Variants in CLDN12 observed in about 807,000 individuals in gnomAD.
CLDN12 encodes claudin 12.
In CLDN12, 9 loss-of-function variants were observed where a neutral mutation model predicts 15.5. The observed-to-expected ratio is 0.58, with a 90% CI of 0.35 to 1.02. The LOEUF (loss-of-function observed/expected upper bound fraction) is 1.02, where lower values mean the gene tolerates loss of function less well. Among genes scored for constraint, CLDN12 ranks in the 50% least tolerant of loss-of-function variants. CLDN12 has a pLI of 0.02. For missense variants in CLDN12, 233 were observed against 297.3 expected (o/e 0.78, Z 1.59); for synonymous variants, 140 against 121.6 (o/e 1.15, Z -1.00).
intron 2 of CLDN12, among the ~76,000 whole-genome samples, chr7:90,407,979 G>A (rs1280376913): frequency 6.6e-6 from 1 of 152,164 alleles, no homozygotes; most frequent in African/African-American, 2.4e-5. Flanking sequence ...ATGGGGAGGA[G>A]TTGAAACTTT....
In CLDN12 at chr7:90,407,733, G is replaced by A. The variant is rs777888639; in HGVS notation, c.-77+2125G>A. On this transcript the variant is annotated intron_variant, in intron 2 of 3. Transcript: ENST00000496677. ...TAACCAGGGACAGGGGGAGGTTTAGGACAAGCCTCCCTGGACACTAGAAGA... is the reference window on the plus strand; with the variant it reads ...TAACCAGGGACAGGGGGAGGTTTAGAACAAGCCTCCCTGGACACTAGAAGA... Among the ~76,000 whole-genome samples, 15 of 152,270 alleles carry A rather than the reference G, an allele frequency of 9.9e-5. No individual in the cohort carries two copies. The Middle Eastern group carries it at 0.017, about 173-fold the overall frequency.
intron 2 of CLDN12, among the ~76,000 whole-genome samples, chr7:90,407,559 T>C (rs11980923): frequency 0.024 from 3,598 of 152,318 alleles, 134 homozygotes; most frequent in African/African-American, 0.081. Context: ...GTGCCTTTTA[T>C]GTGCCAGTAT....
intron 2 of CLDN12, among the ~76,000 whole-genome samples, chr7:90,406,513 A>T (rs1451449623): frequency 6.6e-6 from 1 of 152,244 alleles, no homozygotes. Flanking sequence ...AGGGTCCAGA[A>T]GAAAAGTATG....
intron 2 of CLDN12, among the ~76,000 whole-genome samples, chr7:90,407,381 G>A (rs556978295): frequency 6.6e-6 from 1 of 152,264 alleles, no homozygotes; most frequent in South Asian, 2.1e-4. Flanking sequence ...GGCCAAAAAG[G>A]AGAAAGCAGG....
At chr7:90,411,389 A>G (rs1357067454) in intron 2 of CLDN12, among the ~76,000 whole-genome samples, 7 of 152,196 alleles carry the variant, frequency 4.6e-5, no homozygotes, top group Admixed American at 2.6e-4. Flanking sequence ...TGAATATCAG[A>G]CCCTTGAGGA....
chr7:90,413,251 T>A lies in CLDN12; in HGVS notation c.575T>A (p.Leu192Gln). ...GGCCTGTTTATGACTTCCCTTATACTATTTATTTGGTATTGTACATGCAAA... is the reference window on the plus strand; with the variant it reads ...GGCCTGTTTATGACTTCCCTTATACAATTTATTTGGTATTGTACATGCAAA... ...AGGLFMTSLI[L>Q]FIWYCTCKSL... Residue 192 changes from leucine to glutamine, a missense_variant, in exon 4 of 4, where the codon CTA (leucine) becomes CAA (glutamine). Coordinates refer to ENST00000496677, the MANE Select transcript of CLDN12 (RefSeq NM_001185072.3). 2.5e-6 allele frequency: 4 copies of A among 1,614,204 alleles called. No individual in the cohort carries two copies. The highest frequency in any genetic ancestry group is 3.4e-6 in the Non-Finnish European group (4 of 1,180,016).
rs1797021861 is a variant in CLDN12 at position 90,413,824 on chromosome 7, T to C, written c.*413T>C. The C allele has an allele frequency of 1.0e-6, 1 of 1,001,254 alleles. No individual in the cohort carries two copies. Among genetic ancestry groups the C allele is most frequent in the African/African-American group, 1.7e-5 (1 of 57,348 alleles). 62.0% of individuals were successfully genotyped at this position (1,001,254 alleles called of 1,614,324 possible). A position where few individuals can be genotyped will look rare whatever the true frequency, so the allele number is the denominator to read the frequency against. ...TGCAAAGAAAAGGCAGTTTCAAATATAAGAAATTTATTTCAGGTAAGGGTA... is the reference window on the plus strand; with the variant it reads ...TGCAAAGAAAAGGCAGTTTCAAATACAAGAAATTTATTTCAGGTAAGGGTA... On this transcript the variant is annotated 3_prime_UTR_variant, in exon 4 of 4. Transcript: ENST00000496677.
rs1179948472 is a variant in CLDN12 at position 90,414,809 on chromosome 7, A to C, written c.*1398A>C. ...CTTCTGAAAGTATGATGATGTATTA[A>C]GGATGGAGGAGTTATTAAAAATGTC... On this transcript the variant is annotated 3_prime_UTR_variant, in exon 4 of 4. Transcript: ENST00000496677. The C allele has an allele frequency of 1.8e-5, 3 of 167,084 alleles. No homozygotes were observed. The highest frequency in any genetic ancestry group is 7.2e-5 in the African/African-American group (3 of 41,458). 10.4% of individuals were successfully genotyped at this position (167,084 alleles called of 1,614,324 possible).
At chr7:90,411,554 G>A (rs543752456) in intron 2 of CLDN12, among the ~76,000 whole-genome samples, 23 of 152,184 alleles carry the variant, frequency 1.5e-4, no homozygotes, top group African/African-American at 3.9e-4. Context: ...GTTTGCATTC[G>A]TCTTATATGA....
intron 1 of CLDN12, 138 bp downstream of exon 1, chr7:90,403,687 G>A (rs1271583523): frequency 6.6e-6 from 1 of 152,140 alleles, no homozygotes; most frequent in Non-Finnish European, 1.5e-5. Context: ...AATTGAGTAG[G>A]TATTTGGTAA....
intron 2 of CLDN12, chr7:90,405,944 T>C (rs1227119660): frequency 2.0e-5 from 3 of 151,938 alleles, no homozygotes; most frequent in African/African-American, 7.3e-5. Context: ...TATGAGAAAA[T>C]TTTAAAAAAT....
chr7:90,404,230 G>A (rs1407893956), intron 1 of CLDN12, among the ~76,000 whole-genome samples: 1 of 151,486 alleles, frequency 6.6e-6, no homozygotes, highest in African/African-American at 2.4e-5. Context: ...CTCTGACTTT[G>A]GAGTGTGCAA....
chr7:90,406,673 A>G (rs1796842994), intron 2 of CLDN12, among the ~76,000 whole-genome samples: 1 of 152,238 alleles, frequency 6.6e-6, no homozygotes, highest in South Asian at 2.1e-4. Context: ...TTCAGAGGAC[A>G]TAAGTGACTT....
At chr7:90,407,192 C>T (rs1292710522) in intron 2 of CLDN12, among the ~76,000 whole-genome samples, 6 of 152,058 alleles carry the variant, frequency 3.9e-5, no homozygotes, top group Admixed American at 6.6e-5. Context: ...GCCACCACGC[C>T]GCGCCAGGAA....
intron 2 of CLDN12, among the ~76,000 whole-genome samples, chr7:90,407,969 A>G (rs901875342): frequency 2.0e-5 from 3 of 152,158 alleles, no homozygotes; most frequent in Admixed American, 6.5e-5. Flanking sequence ...GGTGTAAGCT[A>G]TGGGGAGGAG....
chr7:90,412,785 C>T lies in CLDN12; in HGVS notation c.109C>T (p.Arg37Ter), dbSNP rs1056206386. 23 of 1,614,070 alleles carry T rather than the reference C, an allele frequency of 1.4e-5. No individual in the cohort carries two copies. The highest frequency in any genetic ancestry group is 1.9e-5 in the Non-Finnish European group (22 of 1,180,046). The change falls in exon 4 of 4, where the codon CGA becomes TGA. Residue 37 changes from arginine (R) to a stop codon, truncating the protein, a stop_gained. Coordinates refer to ENST00000496677, the MANE Select transcript of CLDN12 (RefSeq NM_001185072.3). LOFTEE classifies it high-confidence loss of function. ...TCTGCTTCCCAACTGGAGAAAATTA[C>T]GATTGATCACATTCAACAGAAACGA... is the stretch of plus-strand genomic sequence containing the variant. The part of the protein sequence containing the change: ...GTLLPNWRKL[R>*]LITFNRNEKN...
At chr7:90,405,093 C>T (rs1457615077) in intron 1 of CLDN12, among the ~76,000 whole-genome samples, 1 of 151,992 alleles carries the variant, frequency 6.6e-6, no homozygotes, top group East Asian at 1.9e-4. Context: ...GCCAGAATCT[C>T]TCTCTGTCAC....
chr7:90,407,053 G>A (rs950693664), intron 2 of CLDN12, among the ~76,000 whole-genome samples: 2 of 151,724 alleles, frequency 1.3e-5, no homozygotes, highest in Non-Finnish European at 2.9e-5. Flanking sequence ...AATCAATACC[G>A]GAACAGTGGA....
Position 90,414,226 on chromosome 7 carries a change from G to A in CLDN12, c.*815G>A. 1 of 1,000,184 alleles carries A rather than the reference G, an allele frequency of 1.0e-6. No homozygotes were observed. The highest frequency in any genetic ancestry group is 4.7e-5 in the South Asian group (1 of 21,280). 62.0% of individuals were successfully genotyped at this position (1,000,184 alleles called of 1,614,324 possible). A position where few individuals can be genotyped will look rare whatever the true frequency, so the allele number is the denominator to read the frequency against. On this transcript the variant is annotated 3_prime_UTR_variant, in exon 4 of 4. Transcript: ENST00000496677. ...AGTGGCTAGGAGAAATAAATAAAAG[G>A]GCCATAATGGTTTGTTCTCTTTCAG...
Sources: gnomAD v4.1 joint callset for allele counts (sites outside exome capture counted in the v4.1 genomes callset) on GRCh38, gnomAD v4.1.1 for gene constraint, MANE v1.5 for transcripts, NCBI Gene and HGNC (gene_info 2026-07-23, HGNC 2026-07-21) for gene names.